Variants in GFRA1 observed in about 807,000 individuals in gnomAD.
GFRA1 encodes GDNF family receptor alpha 1.
In GFRA1, 16 loss-of-function variants were observed where a neutral mutation model predicts 51.6. The ratio of observed to expected loss-of-function variants is 0.31; its 90% CI spans 0.21 to 0.47. The LOEUF (loss-of-function observed/expected upper bound fraction) is 0.47, where lower values mean the gene tolerates loss of function less well. GFRA1 is among the 20% of genes least tolerant of loss of function. The pLI, the probability that GFRA1 is intolerant of heterozygous loss-of-function variation, is 1.00. For missense variants in GFRA1, 530 were observed against 594.3 expected (o/e 0.89, Z 1.13); for synonymous variants, 270 against 241.3 (o/e 1.12, Z -1.10).
At chr10:116,123,307 T>TG (rs1437179048) in intron 6 of GFRA1, among the ~76,000 whole-genome samples, 3 of 152,184 alleles carry the variant, frequency 2.0e-5, no homozygotes, top group Non-Finnish European at 4.4e-5. Flanking sequence ...ATTGCATTGC[T>TG]GGAACACCTG....
chr10:116,170,177 A>G lies in GFRA1; in HGVS notation c.433+41454T>C, dbSNP rs190992821. On this transcript the variant is annotated intron_variant, in intron 5 of 10. Transcript: ENST00000355422. ...AGCAACATGGAAGTATAGGACAGGA[A>G]GAGACTCACCACCATGGTTATCTGC... is the stretch of plus-strand genomic sequence containing the variant. 3.7e-3 allele frequency among the ~76,000 whole-genome samples: 559 copies of G among 152,322 alleles called. 5 individuals carry two copies. The highest frequency in any genetic ancestry group is 0.012 in the African/African-American group (500 of 41,566).
chr10:116,258,719 C>A (rs1014005514), intron 4 of GFRA1, among the ~76,000 whole-genome samples: 2 of 152,116 alleles, frequency 1.3e-5, no homozygotes, highest in Non-Finnish European at 2.9e-5. Flanking sequence ...GCCCCCAAGA[C>A]AAGTTTCTCA....
At chr10:116,151,100 A>C (rs1286291100) in intron 5 of GFRA1, among the ~76,000 whole-genome samples, 1 of 151,918 alleles carries the variant, frequency 6.6e-6, no homozygotes, top group Non-Finnish European at 1.5e-5. Context: ...CACCACCTGG[A>C]TCAATGGAAT....
intron 5 of GFRA1, among the ~76,000 whole-genome samples, chr10:116,192,805 A>G (rs1471773996): frequency 1.3e-5 from 2 of 152,204 alleles, no homozygotes; most frequent in African/African-American, 4.8e-5. Context: ...GGCACCAAGG[A>G]CAGAACAGGA....
rs1967787402 is a variant in GFRA1 at position 116,245,442 on chromosome 10, G to A, written c.418+24061C>T. Among the ~76,000 whole-genome samples the A allele has an allele frequency of 2.6e-5, 4 of 152,194 alleles. No homozygotes were observed. In the South Asian group the frequency reaches 8.3e-4, roughly 32 times the overall value. On this transcript the variant is annotated intron_variant, in intron 4 of 10. Transcript: ENST00000355422. ...GCCTGACACCACCAAATGCTGATGA[G>A]GGCACAGAGCACCAGGGACTTTCCC...
At chr10:116,132,281 T>C (rs1018361930) in intron 5 of GFRA1, among the ~76,000 whole-genome samples, 1 of 152,144 alleles carries the variant, frequency 6.6e-6, no homozygotes, top group Non-Finnish European at 1.5e-5. Context: ...CACTGGTTAG[T>C]CATATGTGTG....
At chr10:116,075,112 C>A (rs987918376) in intron 9 of GFRA1, among the ~76,000 whole-genome samples, 3 of 152,132 alleles carry the variant, frequency 2.0e-5, no homozygotes, top group African/African-American at 7.2e-5. Flanking sequence ...GCCCTCTGGA[C>A]CACAGGTGCA....
intron 6 of GFRA1, among the ~76,000 whole-genome samples, chr10:116,108,973 T>C (rs1204166025): frequency 6.6e-6 from 1 of 152,190 alleles, no homozygotes; most frequent in African/African-American, 2.4e-5. Context: ...CACGGACACT[T>C]GGTGCTGAAG....
chr10:116,074,622 G>A (rs1013769478), intron 9 of GFRA1, among the ~76,000 whole-genome samples: 1 of 152,200 alleles, frequency 6.6e-6, no homozygotes, highest in Non-Finnish European at 1.5e-5. Context: ...TGCAGCAAAG[G>A]GGCAGGCAGG....
At chr10:116,175,536 A>G (rs1210192937) in intron 5 of GFRA1, among the ~76,000 whole-genome samples, 1 of 152,166 alleles carries the variant, frequency 6.6e-6, no homozygotes, top group Non-Finnish European at 1.5e-5. Context: ...TCGCCTGGGA[A>G]CCCCATCCAG....
At position 116,112,237 on chromosome 10, in the gene GFRA1, C is replaced by T. The variant is rs77601212; in HGVS notation, c.770+12984G>A. 8.0e-3 allele frequency among the ~76,000 whole-genome samples: 1,224 copies of T among 152,234 alleles called. 7 individuals are homozygous for T. The highest frequency in any genetic ancestry group is 0.014 in the Non-Finnish European group (921 of 68,014). On this transcript the variant is annotated intron_variant, in intron 6 of 10. Coordinates refer to ENST00000355422, the MANE Select transcript of GFRA1 (RefSeq NM_005264.8). Reference sequence around the variant, plus strand: ...TGTCAAGCTCCTTTGCTGGAGTGAACGTTCTTGGAGAGGTGGCATTCCCTC... The same window carrying T: ...TGTCAAGCTCCTTTGCTGGAGTGAATGTTCTTGGAGAGGTGGCATTCCCTC...
intron 5 of GFRA1, among the ~76,000 whole-genome samples, chr10:116,135,370 G>A (rs1176505894): frequency 6.6e-6 from 1 of 152,142 alleles, no homozygotes; most frequent in Non-Finnish European, 1.5e-5. Flanking sequence ...CCACACTGCA[G>A]GAGTGCATGA....
chr10:116,145,551 A>T (rs1327026482), intron 5 of GFRA1, among the ~76,000 whole-genome samples: 1 of 152,336 alleles, frequency 6.6e-6, no homozygotes, highest in Admixed American at 6.5e-5. Flanking sequence ...CTTTAGTTTT[A>T]TCTTTAAATA....
intron 4 of GFRA1, among the ~76,000 whole-genome samples, chr10:116,219,051 C>G (rs881042): frequency 0.26 from 39,137 of 151,860 alleles, 5,460 homozygotes; most frequent in South Asian, 0.42. Flanking sequence ...GCTACATTTA[C>G]TAGGGAATGT....
chr10:116,069,349 T>G (rs924610485), intron 9 of GFRA1, among the ~76,000 whole-genome samples: 5 of 152,184 alleles, frequency 3.3e-5, no homozygotes, highest in Non-Finnish European at 5.9e-5. Context: ...GACTCTAAGT[T>G]GGGGGAAACA....
At chr10:116,129,300 T>C (rs557647335) in intron 5 of GFRA1, among the ~76,000 whole-genome samples, 60 of 152,334 alleles carry the variant, frequency 3.9e-4, no homozygotes, top group African/African-American at 1.4e-3. Context: ...GTAAACTGTA[T>C]TTAGCAATAT....
At chr10:116,096,900 CATACACACAAA>C in intron 6 of GFRA1, 136 bp from the exon 7 acceptor site, 7 of 656,864 alleles carry the variant, frequency 1.1e-5, no homozygotes, top group Admixed American at 2.1e-5. Flanking sequence ...CACACACACA[CATACACACAAA>C]ATACGTAGAA....
chr10:116,180,265 T>C (rs1268760539), intron 5 of GFRA1, among the ~76,000 whole-genome samples: 1 of 152,222 alleles, frequency 6.6e-6, no homozygotes, highest in Non-Finnish European at 1.5e-5. Context: ...GCAGCATAAA[T>C]TGTGGCACAC....
intron 9 of GFRA1, among the ~76,000 whole-genome samples, chr10:116,069,297 T>C (rs1231664917): frequency 1.3e-5 from 2 of 152,234 alleles, no homozygotes. Context: ...AGGGTGTTTC[T>C]TAACTCTAAT....
Sources: allele counts gnomAD v4.1 joint callset (sites outside exome capture counted in the v4.1 genomes callset), GRCh38; gene constraint gnomAD v4.1.1; transcripts MANE v1.5; gene names NCBI Gene and HGNC (gene_info 2026-07-23, HGNC 2026-07-21).